VEPH1: variants seen among roughly 807,000 people sequenced by gnomAD.
VEPH1 encodes ventricular zone expressed PH domain containing 1.
VEPH1 carries 80 observed loss-of-function variants against 85.2 expected under a neutral mutation model. The observed-to-expected ratio is 0.94, with a 90% CI of 0.78 to 1.13. The LOEUF (loss-of-function observed/expected upper bound fraction) is 1.13. VEPH1 is among the 50% of genes most tolerant of loss of function. The pLI, the probability that VEPH1 is intolerant of heterozygous loss-of-function variation, is 0.00. For synonymous variants in VEPH1, 297 were observed against 348.0 expected, an observed-to-expected ratio of 0.85 and a Z score of 1.63; for missense variants, 955 against 980.5, an observed-to-expected ratio of 0.97 and a Z score of 0.35.
intron 9 of VEPH1, among the ~76,000 whole-genome samples, chr3:157,356,313 A>G (rs1045254168): frequency 6.6e-6 from 1 of 152,194 alleles, no homozygotes; most frequent in African/African-American, 2.4e-5. Context: ...TAGACATAGG[A>G]ATTAGCTGTC....
chr3:157,487,333 A>C (rs1738742589), intron 2 of VEPH1, among the ~76,000 whole-genome samples: 1 of 152,124 alleles, frequency 6.6e-6, no homozygotes, highest in African/African-American at 2.4e-5. Context: ...TAAACTTGAA[A>C]ACTCAGATAA....
Position 157,495,428 on chromosome 3 carries a change from A to G in VEPH1, c.-79T>C. The G allele has an allele frequency of 5.1e-6, 8 of 1,566,454 alleles. No individual in the cohort carries two copies. The highest frequency in any genetic ancestry group is 6.9e-6 in the Non-Finnish European group (8 of 1,158,924). On this transcript the variant is annotated 5_prime_UTR_variant, in exon 2 of 14. Coordinates refer to ENST00000362010, the MANE Select transcript of VEPH1 (RefSeq NM_001167912.2). ...CAGTTATCAGAGGTCAGTAAGACAAAAACATGTAGAAGGAGGTATACTTCT... is the reference window on the plus strand; with the variant it reads ...CAGTTATCAGAGGTCAGTAAGACAAGAACATGTAGAAGGAGGTATACTTCT...
intron 9 of VEPH1, among the ~76,000 whole-genome samples, chr3:157,358,900 G>A (rs1366572092): frequency 6.6e-6 from 1 of 152,116 alleles, no homozygotes; most frequent in East Asian, 1.9e-4. Context: ...GGAGGCTGAG[G>A]CAGGAGAATC....
At chr3:157,429,628 T>G (rs555037952) in intron 4 of VEPH1, among the ~76,000 whole-genome samples, 181 of 152,356 alleles carry the variant, frequency 1.2e-3, no homozygotes, top group Non-Finnish European at 2.1e-3. Flanking sequence ...TGGAAATATT[T>G]AGAGTTTTCT....
At chr3:157,272,268 CCTTCCTTCCTTCCTTCCTTCCT>C (rs1714674911) in intron 12 of VEPH1, among the ~76,000 whole-genome samples, 1 of 39,822 alleles carries the variant, frequency 2.5e-5, no homozygotes, top group African/African-American at 5.7e-5. Context: ...TTCCTTCCTT[CCTTCCTTCCTTCCTTCCTTCCT>C]TCCTTCCCTT....
rs988395971 is a variant in VEPH1, at chr3:157,367,094, G to A, written c.1128-2582C>T. Reference sequence around the variant, plus strand: ...GGCAATTGTTTATTGTTTAATAAGCGGTTGCTGATACAATTTAAAACCATT... The same window carrying A: ...GGCAATTGTTTATTGTTTAATAAGCAGTTGCTGATACAATTTAAAACCATT... On this transcript the variant is annotated intron_variant, in intron 7 of 13. Transcript: ENST00000362010. Among the ~76,000 whole-genome samples, 34 of 152,062 alleles carry A rather than the reference G, an allele frequency of 2.2e-4. 1 individual carries two copies. The highest frequency in any genetic ancestry group is 8.0e-4 in the African/African-American group (33 of 41,410).
At chr3:157,438,765 T>C (rs1733884737) in intron 4 of VEPH1, among the ~76,000 whole-genome samples, 1 of 152,130 alleles carries the variant, frequency 6.6e-6, no homozygotes, top group Non-Finnish European at 1.5e-5. Flanking sequence ...CTAAAGATGG[T>C]TAAAAGAAAG....
intron 9 of VEPH1, among the ~76,000 whole-genome samples, chr3:157,344,023 T>A (rs1274098912): frequency 6.6e-6 from 1 of 152,198 alleles, no homozygotes; most frequent in African/African-American, 2.4e-5. Context: ...TGATGGGACG[T>A]ATCTCAAAAT....
At chr3:157,386,919 C>T (rs1729365302) in intron 6 of VEPH1, among the ~76,000 whole-genome samples, 1 of 152,156 alleles carries the variant, frequency 6.6e-6, no homozygotes, top group Non-Finnish European at 1.5e-5. Flanking sequence ...TAGCTTTGAC[C>T]TTACAGATTC....
chr3:157,431,598 T>TA (rs1560055928), intron 4 of VEPH1, among the ~76,000 whole-genome samples: 6 of 152,120 alleles, frequency 3.9e-5, no homozygotes, highest in Non-Finnish European at 8.8e-5. Context: ...TTACATAACA[T>TA]GTTCACAGGT....
intron 11 of VEPH1, among the ~76,000 whole-genome samples, chr3:157,293,290 T>C (rs1294557469): frequency 2.6e-5 from 4 of 152,206 alleles, no homozygotes; most frequent in Non-Finnish European, 5.9e-5. Context: ...ATGCCATGCA[T>C]GTGCTATGTC....
At chr3:157,425,224 G>C (rs1248768816) in intron 5 of VEPH1, among the ~76,000 whole-genome samples, 1 of 152,224 alleles carries the variant, frequency 6.6e-6, no homozygotes, top group African/African-American at 2.4e-5. Context: ...CAAGAATTGA[G>C]GTTTGGGAAC....
At chr3:157,319,677 C>A (rs1263385743) in intron 9 of VEPH1, among the ~76,000 whole-genome samples, 11 of 152,084 alleles carry the variant, frequency 7.2e-5, no homozygotes, top group African/African-American at 2.7e-4. Flanking sequence ...GTAAGTTGGA[C>A]TTTAGGCCTT....
intron 6 of VEPH1, among the ~76,000 whole-genome samples, chr3:157,382,485 TG>T (rs1728885573): frequency 6.6e-6 from 1 of 152,244 alleles, no homozygotes; most frequent in Non-Finnish European, 1.5e-5. Context: ...ATAGAAATAA[TG>T]ATATACCATT....
At chr3:157,299,186 G>A (rs1718471764) in intron 11 of VEPH1, among the ~76,000 whole-genome samples, 1 of 152,146 alleles carries the variant, frequency 6.6e-6, no homozygotes, top group Non-Finnish European at 1.5e-5. Flanking sequence ...TTATTATTCA[G>A]TTTGAGCAGT....
At chr3:157,461,095 G>T (rs974877486) in intron 3 of VEPH1, among the ~76,000 whole-genome samples, 1 of 151,978 alleles carries the variant, frequency 6.6e-6, no homozygotes, top group Non-Finnish European at 1.5e-5. Context: ...AAAAATAAAT[G>T]AATGTAAGAT....
At chr3:157,476,289 G>A (rs1206949184) in intron 2 of VEPH1, among the ~76,000 whole-genome samples, 1 of 152,216 alleles carries the variant, frequency 6.6e-6, no homozygotes, top group African/African-American at 2.4e-5. Context: ...CCCTGGAAGG[G>A]ACATCAATCA....
At position 157,488,645 on chromosome 3, in the gene VEPH1, C is replaced by T. The variant is rs542738279; in HGVS notation, c.138+6567G>A. Among the ~76,000 whole-genome samples, 122 of 151,814 alleles carry T rather than the reference C, an allele frequency of 8.0e-4. 1 individual carries two copies. The highest frequency in any genetic ancestry group is 1.3e-3 in the Non-Finnish European group (89 of 67,962). ...CACTCACTCCCTTGGTGATCTCGCTCAGTCTCAAGTCTGACAAGTTCCAAA... is the reference window on the plus strand; with the variant it reads ...CACTCACTCCCTTGGTGATCTCGCTTAGTCTCAAGTCTGACAAGTTCCAAA... On this transcript the variant is annotated intron_variant, in intron 2 of 13. Coordinates refer to ENST00000362010, the MANE Select transcript of VEPH1 (RefSeq NM_001167912.2).
chr3:157,460,158 C>G lies in VEPH1; in HGVS notation c.529+23G>C, dbSNP rs776091762. The G allele has an allele frequency of 1.9e-6, 3 of 1,614,200 alleles. No homozygotes were observed. In the East Asian group the frequency reaches 6.7e-5, roughly 36 times the overall value. On this transcript the variant is annotated intron_variant, in intron 4 of 13. Coordinates refer to ENST00000362010, the MANE Select transcript of VEPH1 (RefSeq NM_001167912.2). ...TTAAATATCTCCCAAAACATGTCCC[C>G]AAGCTCAACTTTCGCACCATACCTT... is the stretch of plus-strand genomic sequence containing the variant.
Sources: allele counts gnomAD v4.1 joint callset (sites outside exome capture counted in the v4.1 genomes callset), GRCh38; gene constraint gnomAD v4.1.1; transcripts MANE v1.5; gene names NCBI Gene and HGNC (gene_info 2026-07-23, HGNC 2026-07-21).